The following IRAG2 variants were observed in gnomAD, a reference collection of about 807,000 sequenced individuals.
IRAG2 encodes the protein inositol 1,4,5-triphosphate receptor associated 2, also known as lymphoid restricted membrane protein.
In IRAG2, 45 loss-of-function variants were observed where a neutral mutation model predicts 69.9. That is an observed-to-expected ratio of 0.64 (90% CI 0.51 to 0.83). IRAG2 has a LOEUF of 0.83. IRAG2 is among the 40% of genes least tolerant of loss of function. The probability of loss-of-function intolerance (pLI) is 0.00; values close to 1 mark genes in which losing one functional copy is unlikely to be tolerated. For synonymous variants in IRAG2, 193 were observed against 202.4 expected (o/e 0.95, Z 0.40); for missense variants, 520 against 587.0 (o/e 0.89, Z 1.18).
intron 12 of IRAG2, chr12:25,033,692 A>G (rs1325615778): frequency 2.6e-6 from 1 of 388,258 alleles, no homozygotes; most frequent in African/African-American, 2.1e-5. Context: ...GAGGACAGAG[A>G]CAATTTCTGA....
Position 25,015,163 on chromosome 12 carries a change from T to TTC in IRAG2, c.897-18_897-17insCT, listed in dbSNP as rs1555125479. 1.0e-4 allele frequency: 124 copies of TTC among 1,197,528 alleles called. 1 individual carries two copies. In the East Asian group the frequency reaches 2.4e-3, roughly 24 times the overall value. 74.2% of individuals were successfully genotyped at this position (1,197,528 alleles called of 1,614,324 possible). On this transcript the variant is annotated intron_variant, in intron 3 of 38. Coordinates refer to the IRAG2 transcript ENST00000636465. ...CCTAGCTCACTGGTTTTGTTTTTTT[T>TTC]TTTTTTTTTTGGCTACAGGGAAGGA...
intron 21 of IRAG2, among the ~76,000 whole-genome samples, 193 bp from the exon 22 acceptor site, chr12:25,107,624 T>G (rs1949282690): frequency 6.6e-6 from 1 of 152,286 alleles, no homozygotes; most frequent in Admixed American, 6.5e-5. Flanking sequence ...GCACATCATT[T>G]CTTTAATCCT....
intron 14 of IRAG2, among the ~76,000 whole-genome samples, chr12:25,095,369 A>T (rs1948352296): frequency 6.6e-6 from 1 of 152,136 alleles, no homozygotes; most frequent in Admixed American, 6.5e-5. Context: ...GTTCAATCTT[A>T]TCACATGCTT....
At position 25,028,336 on chromosome 12, in the gene IRAG2, C is replaced by A. The variant is rs140740732; in HGVS notation, c.1461+1470C>A. Among the ~76,000 whole-genome samples the A allele has an allele frequency of 2.2e-4, 34 of 152,178 alleles. 1 individual carries two copies. The highest frequency in any genetic ancestry group is 7.9e-4 in the African/African-American group (33 of 41,530). ...GGCTCAAATTTCTCTACATTCTTGC[C>A]CAGATTTGTTATCTTTTTATATTAT... On this transcript the variant is annotated intron_variant, in intron 9 of 38. Transcript: ENST00000636465.
chr12:25,075,838 A>G (rs956837803), intron 6 of IRAG2: 15 of 151,684 alleles, frequency 9.9e-5, no homozygotes, highest in African/African-American at 3.6e-4. Flanking sequence ...TCTTTTTCTT[A>G]TTCTTTATTT....
chr12:25,001,823 A>G (rs139432051), upstream of IRAG2, among the ~76,000 whole-genome samples: 711 of 147,370 alleles, frequency 4.8e-3, 5 homozygotes, highest in African/African-American at 0.017. Context: ...AGGCTGGAGT[A>G]CAGTGGCACG....
Position 25,052,910 on chromosome 12 carries a change from A to G in IRAG2, c.-493A>G. The G allele has an allele frequency of 2.5e-6, 1 of 398,616 alleles. No individual in the cohort carries two copies. Among genetic ancestry groups the G allele is most frequent in the East Asian group, 3.6e-5 (1 of 28,076 alleles). The allele number at this position is 398,616 out of a possible 1,614,324, so 24.7% of individuals were successfully genotyped here. Reference sequence around the variant, plus strand: ...ACCTTCAAACTATAAATACTGAATTATCGAACACTTGCCAGGCACTTCAGC... The same window carrying G: ...ACCTTCAAACTATAAATACTGAATTGTCGAACACTTGCCAGGCACTTCAGC... On this transcript the variant is annotated 5_prime_UTR_variant, in exon 1 of 22. Transcript: ENST00000556887.
At chr12:25,093,613 A>C (rs1948219999) in intron 14 of IRAG2, 2 of 153,372 alleles carry the variant, frequency 1.3e-5, no homozygotes, top group Non-Finnish European at 2.9e-5. Context: ...CTTTTCCTGC[A>C]GGAGTTGAAG....
chr12:25,007,594 T>A (rs1029492765), intron 2 of IRAG2, among the ~76,000 whole-genome samples: 1 of 152,206 alleles, frequency 6.6e-6, no homozygotes, highest in Non-Finnish European at 1.5e-5. Flanking sequence ...TGATCTTGGC[T>A]CACTGCAACC....
At chr12:25,059,438 G>A (rs956774691) in intron 1 of IRAG2, among the ~76,000 whole-genome samples, 2 of 151,946 alleles carry the variant, frequency 1.3e-5, no homozygotes, top group African/African-American at 2.4e-5. Flanking sequence ...TGCAACCTCC[G>A]CCTCCCGGGT....
At position 25,052,809 on chromosome 12, in the gene IRAG2, C is replaced by G. The variant is rs900542409; in HGVS notation, c.-594C>G. ...CCATGTCCAGGGTAAGGATCGAGAT[C>G]GAGAAGCCCACACTGCCAGTGAAAA... On this transcript the variant is annotated 5_prime_UTR_variant, in exon 1 of 22. In the 5' UTR this introduces an upstream ATG that the reference lacks. Transcript: ENST00000556887. The G allele has an allele frequency of 1.0e-5, 4 of 398,476 alleles. No individual in the cohort carries two copies. Among genetic ancestry groups the G allele is most frequent in the African/African-American group, 2.1e-5 (1 of 48,618 alleles). The allele number at this position is 398,476 out of a possible 1,614,324, so 24.7% of individuals were successfully genotyped here.
chr12:25,047,442 T>TTG (rs35298982), upstream of IRAG2, among the ~76,000 whole-genome samples: 69,436 of 130,468 alleles, frequency 0.53, 15,932 homozygotes, highest in South Asian at 0.62. Context: ...TTTTTTGTTG[T>TTG]TTTTTTGTTT....
At chr12:25,027,109 A>C (rs61914761) in intron 9 of IRAG2, among the ~76,000 whole-genome samples, 11,381 of 151,876 alleles carry the variant, frequency 0.075, 526 homozygotes, top group East Asian at 0.23. Context: ...TATACAAGTC[A>C]GTGTGTTTTA....
At chr12:25,065,155 A>G (rs1370481591) in intron 4 of IRAG2, among the ~76,000 whole-genome samples, 1 of 152,248 alleles carries the variant, frequency 6.6e-6, no homozygotes, top group South Asian at 2.1e-4. Flanking sequence ...TGCTCTTAAC[A>G]TATCTATTAA....
At chr12:25,081,000 T>A (rs982603463) in intron 9 of IRAG2, among the ~76,000 whole-genome samples, 1 of 152,186 alleles carries the variant, frequency 6.6e-6, no homozygotes, top group Admixed American at 6.5e-5. Flanking sequence ...TTCCCAAAAC[T>A]GATAGTGCCA....
exon 16 of IRAG2, chr12:25,038,121 A>C: frequency 2.5e-6 from 1 of 398,854 alleles, no homozygotes; most frequent in East Asian, 3.6e-5. Context: ...TTATTTCAGA[A>C]AAGAATTTCT....
rs1055659969 is a variant in IRAG2 at position 25,102,429 on chromosome 12, C to A, written c.933+188C>A. 5.2e-6 allele frequency: 3 copies of A among 573,052 alleles called. No homozygotes were observed. The African/African-American group carries it at 5.7e-5, about 11-fold the overall frequency. 35.5% of individuals were successfully genotyped at this position (573,052 alleles called of 1,614,324 possible). On this transcript the variant is annotated intron_variant, in intron 17 of 21. Coordinates refer to ENST00000556887, the MANE Select transcript of IRAG2 (RefSeq NM_001366544.2). Reference sequence around the variant, plus strand: ...TTTTGTATCAATTAAGTGTGCCTGGCAGCATGAAGAAAGTCAGTACAACAA... The same window carrying A: ...TTTTGTATCAATTAAGTGTGCCTGGAAGCATGAAGAAAGTCAGTACAACAA...
intron 1 of IRAG2, among the ~76,000 whole-genome samples, chr12:25,053,328 G>T (rs1944978510): frequency 6.6e-6 from 1 of 151,026 alleles, no homozygotes; most frequent in Non-Finnish European, 1.5e-5. Flanking sequence ...TTATTAGCTA[G>T]TTTTTTTCCT....
chr12:25,005,449 G>A, intron 2 of IRAG2: 1 of 488,072 alleles, frequency 2.0e-6, no homozygotes, highest in East Asian at 3.5e-5. Flanking sequence ...TTGTGTGTGG[G>A]TCTCATTGTC....
Sources: gnomAD v4.1 joint callset for allele counts (sites outside exome capture counted in the v4.1 genomes callset) on GRCh38, gnomAD v4.1.1 for gene constraint, MANE v1.5 for transcripts, NCBI Gene and HGNC (gene_info 2026-07-23, HGNC 2026-07-21) for gene names.